SDK1: variants seen among roughly 807,000 people sequenced by gnomAD.
SDK1 encodes the protein protein sidekick-1.
In SDK1, 157 loss-of-function variants were observed where a neutral mutation model predicts 245.5. The observed-to-expected ratio is 0.64, with a 90% CI of 0.56 to 0.73. SDK1 has a LOEUF of 0.73. SDK1 is among the 30% of genes least tolerant of loss of function. The probability of loss-of-function intolerance (pLI) is 0.00; values close to 1 mark genes in which losing one functional copy is unlikely to be tolerated. For missense variants in SDK1, 3,583 were observed against 3,002.3 expected, an observed-to-expected ratio of 1.19 and a Z score of -4.52; for synonymous variants, 1,647 against 1,278.5, an observed-to-expected ratio of 1.29 and a Z score of -6.15.
intron 4 of SDK1, among the ~76,000 whole-genome samples, chr7:3,741,351 C>G (rs1779469051): frequency 6.6e-6 from 1 of 152,196 alleles, no homozygotes; most frequent in Admixed American, 6.5e-5. Context: ...TCCCAGCTCC[C>G]AGGGGATGCT....
At chr7:3,939,699 C>G (rs1206111989) in intron 5 of SDK1, among the ~76,000 whole-genome samples, 1 of 152,126 alleles carries the variant, frequency 6.6e-6, no homozygotes, top group Non-Finnish European at 1.5e-5. Flanking sequence ...ATATCTGAGT[C>G]TCTTTAAAAA....
chr7:3,634,870 C>T (rs1356330269), intron 2 of SDK1, among the ~76,000 whole-genome samples: 3 of 151,988 alleles, frequency 2.0e-5, no homozygotes, highest in Non-Finnish European at 4.4e-5. Context: ...GGCGTTAGTA[C>T]GGAGGATTAC....
intron 1 of SDK1, among the ~76,000 whole-genome samples, chr7:3,326,916 C>T (rs1433911587): frequency 6.6e-6 from 1 of 151,964 alleles, no homozygotes; most frequent in African/African-American, 2.4e-5. Flanking sequence ...AATATACTTA[C>T]TGGGTACAAA....
chr7:3,561,148 C>T (rs754541671), intron 1 of SDK1, among the ~76,000 whole-genome samples: 1 of 152,160 alleles, frequency 6.6e-6, no homozygotes, highest in African/African-American at 2.4e-5. Flanking sequence ...GCACCTGTTA[C>T]CTAAGAGACC....
Position 3,607,420 on chromosome 7 carries a change from T to C in SDK1, c.299-11660T>C, listed in dbSNP as rs376389634. Among the ~76,000 whole-genome samples, 11 of 152,380 alleles carry C rather than the reference T, an allele frequency of 7.2e-5. No homozygotes were observed. The South Asian group carries it at 1.2e-3, about 17-fold the overall frequency. ...CCGACTATACTATATATTTTCTTTGTTTCCTGTTTATCTCCCTAAACTAGA... is the reference window on the plus strand; with the variant it reads ...CCGACTATACTATATATTTTCTTTGCTTCCTGTTTATCTCCCTAAACTAGA... On this transcript the variant is annotated intron_variant, in intron 1 of 44. Coordinates refer to ENST00000404826, the MANE Select transcript of SDK1 (RefSeq NM_152744.4).
intron 4 of SDK1, among the ~76,000 whole-genome samples, chr7:3,729,320 G>A (rs149371734): frequency 3.9e-5 from 6 of 152,258 alleles, no homozygotes; most frequent in African/African-American, 1.4e-4. Context: ...TAACTTAATG[G>A]TTCTGTTGTT....
rs760406490 is a variant in SDK1, at chr7:3,951,850, C to A, written c.1080C>A (p.Tyr360Ter). The A allele has an allele frequency of 3.1e-6, 5 of 1,613,794 alleles. No individual in the cohort carries two copies. The highest frequency in any genetic ancestry group is 4.2e-6 in the Non-Finnish European group (5 of 1,180,016). The change falls in exon 7 of 45, where the codon TAC becomes TAA. Residue 360 changes from tyrosine (Y) to a stop codon, truncating the protein, a stop_gained. Coordinates refer to ENST00000404826, the MANE Select transcript of SDK1 (RefSeq NM_152744.4). LOFTEE classifies it high-confidence loss of function. ...SNPTSADTGP[Y>*]VCEAALPGSA... ...CGACGTCCGCGGACACCGGGCCATA[C>A]GTCTGCGAGGCGGCGCTGCCGGGGA... is the stretch of plus-strand genomic sequence containing the variant.
chr7:3,526,347 C>G (rs1009445434), intron 1 of SDK1, among the ~76,000 whole-genome samples: 2 of 152,012 alleles, frequency 1.3e-5, no homozygotes, highest in African/African-American at 2.4e-5. Context: ...TTATTGTAAT[C>G]TGGCAATATT....
rs150745990 is a variant in SDK1, at chr7:3,615,563, G to C, written c.299-3517G>C. 2.2e-3 allele frequency among the ~76,000 whole-genome samples: 339 copies of C among 151,836 alleles called. 6 individuals are homozygous for C. The highest frequency in any genetic ancestry group is 7.9e-3 in the African/African-American group (327 of 41,514). ...TATAAGCGCTTAAGGGACAGCGACT[G>C]TGTCTTACACTTTGTATTCTCAATG... On this transcript the variant is annotated intron_variant, in intron 1 of 44. Coordinates refer to ENST00000404826, the MANE Select transcript of SDK1 (RefSeq NM_152744.4).
intron 1 of SDK1, among the ~76,000 whole-genome samples, chr7:3,391,635 AT>A (rs10667421): frequency 0.12 from 15,608 of 130,190 alleles, 725 homozygotes; most frequent in Middle Eastern, 0.18. Flanking sequence ...CTGTTAACTG[AT>A]TTTTTTTTTT....
intron 22 of SDK1, among the ~76,000 whole-genome samples, chr7:4,104,034 G>A (rs371923242): frequency 7.9e-5 from 12 of 152,220 alleles, no homozygotes; most frequent in African/African-American, 2.9e-4. Context: ...CCCCTGGGCC[G>A]GAGTTTGCTG....
chr7:3,306,129 T>C (rs2128541802), intron 1 of SDK1, among the ~76,000 whole-genome samples: 1 of 152,322 alleles, frequency 6.6e-6, no homozygotes, highest in South Asian at 2.1e-4. Context: ...GGAAAGACGG[T>C]GGTTGATATT....
intron 1 of SDK1, among the ~76,000 whole-genome samples, chr7:3,304,020 C>T (rs558684556): frequency 6.6e-6 from 1 of 152,222 alleles, no homozygotes; most frequent in South Asian, 2.1e-4. Context: ...TTCTCTGCAC[C>T]TCATGTAAGT....
chr7:3,504,780 G>GAA (rs35690254), intron 1 of SDK1, among the ~76,000 whole-genome samples: 486 of 144,262 alleles, frequency 3.4e-3, no homozygotes, highest in Non-Finnish European at 4.3e-3. Context: ...ACAACAGAAG[G>GAA]AAAAAAAAAA....
intron 4 of SDK1, among the ~76,000 whole-genome samples, chr7:3,738,382 T>G (rs1779380441): frequency 6.6e-6 from 1 of 152,242 alleles, no homozygotes; most frequent in Non-Finnish European, 1.5e-5. Flanking sequence ...TTCTGGGCTT[T>G]CTAATCTATT....
intron 5 of SDK1, among the ~76,000 whole-genome samples, chr7:3,915,139 C>T (rs573913454): frequency 6.6e-6 from 1 of 152,200 alleles, no homozygotes; most frequent in East Asian, 1.9e-4. Flanking sequence ...TTCCAAATAA[C>T]AGGGTCTACA....
chr7:3,800,074 G>T (rs958357050), intron 4 of SDK1, among the ~76,000 whole-genome samples: 1 of 152,090 alleles, frequency 6.6e-6, no homozygotes, highest in Non-Finnish European at 1.5e-5. Context: ...TGAGATTGTA[G>T]CAGGGTTGTG....
intron 4 of SDK1, among the ~76,000 whole-genome samples, chr7:3,700,276 G>A (rs1261016984): frequency 6.6e-6 from 1 of 152,104 alleles, no homozygotes; most frequent in Non-Finnish European, 1.5e-5. Flanking sequence ...AAAGAAAAAA[G>A]AACAGAAAAA....
chr7:3,453,846 C>T (rs1227679004), intron 1 of SDK1, among the ~76,000 whole-genome samples: 6 of 152,070 alleles, frequency 3.9e-5, no homozygotes, highest in African/African-American at 1.2e-4. Flanking sequence ...TCAAGTGATC[C>T]TCCTGCCTTG....
Sources: gnomAD v4.1 joint callset for allele counts (sites outside exome capture counted in the v4.1 genomes callset) on GRCh38, gnomAD v4.1.1 for gene constraint, MANE v1.5 for transcripts, NCBI Gene and HGNC (gene_info 2026-07-23, HGNC 2026-07-21) for gene names.